Variants in ABCE1 observed in about 807,000 individuals in gnomAD.
ABCE1 encodes ATP-binding cassette sub-family E member 1.
In ABCE1, 22 loss-of-function variants were observed where a neutral mutation model predicts 83.4. That is an observed-to-expected ratio of 0.26 (90% confidence interval 0.19 to 0.38). ABCE1 has a LOEUF of 0.38. ABCE1 is among the 10% of genes least tolerant of loss of function. The probability of loss-of-function intolerance (pLI) is 1.00; values close to 1 mark genes in which losing one functional copy is unlikely to be tolerated. For missense variants in ABCE1, 330 were observed against 721.9 expected, an observed-to-expected ratio of 0.46 and a Z score of 6.22; for synonymous variants, 204 against 233.7, an observed-to-expected ratio of 0.87 and a Z score of 1.16.
intron 9 of ABCE1, among the ~76,000 whole-genome samples, chr4:145,116,561 AT>A (rs1168449866): frequency 1.3e-5 from 2 of 151,940 alleles, no homozygotes; most frequent in African/African-American, 2.4e-5. Flanking sequence ...TTTGCAGGAC[AT>A]TTTTTTAACA....
chr4:145,102,069 T>C (rs1018044668), intron 1 of ABCE1, among the ~76,000 whole-genome samples: 3 of 151,984 alleles, frequency 2.0e-5, no homozygotes, highest in African/African-American at 7.3e-5. Flanking sequence ...AAAACCAGAT[T>C]AGTGTTGTAT....
At chr4:145,113,348 C>A (rs1749530693) in intron 9 of ABCE1, among the ~76,000 whole-genome samples, 1 of 152,210 alleles carries the variant, frequency 6.6e-6, no homozygotes, top group South Asian at 2.1e-4. Context: ...TGTTTCAAAT[C>A]TCTATTCATG....
At chr4:145,108,901 G>A (rs1749385255) in intron 4 of ABCE1, among the ~76,000 whole-genome samples, 1 of 152,170 alleles carries the variant, frequency 6.6e-6, no homozygotes, top group South Asian at 2.1e-4. Context: ...GTTGTTTAAG[G>A]ATGCATTTCT....
intron 17 of ABCE1, among the ~76,000 whole-genome samples, chr4:145,125,575 G>A (rs1299978034): frequency 1.3e-5 from 2 of 152,144 alleles, no homozygotes; most frequent in Non-Finnish European, 2.9e-5. Context: ...GGCAGCAATT[G>A]TAATGTAGCT....
intron 1 of ABCE1, among the ~76,000 whole-genome samples, chr4:145,103,245 T>TA (rs1019020126): frequency 2.6e-5 from 4 of 151,900 alleles, no homozygotes; most frequent in Admixed American, 6.6e-5. Context: ...AGCAGTCTAT[T>TA]AAAAAAAATA....
intron 13 of ABCE1, chr4:145,122,030 G>A (rs1424137376): frequency 6.6e-6 from 1 of 152,062 alleles, no homozygotes; most frequent in East Asian, 1.9e-4. Flanking sequence ...TCCAATAAAG[G>A]ACTTGTATCC....
At chr4:145,110,718 T>C in intron 7 of ABCE1, 3 of 544,304 alleles carry the variant, frequency 5.5e-6, no homozygotes, top group East Asian at 3.1e-5. Context: ...TGCCTCAGCC[T>C]CCCAAAGTGC....
intron 11 of ABCE1, 133 bp downstream of exon 11, chr4:145,120,286 C>A: frequency 1.4e-6 from 1 of 721,618 alleles, no homozygotes; most frequent in Non-Finnish European, 2.2e-6. Context: ...CCACAAATTT[C>A]TTAGTGTACT....
chr4:145,113,434 G>A (rs1206818759), intron 9 of ABCE1, among the ~76,000 whole-genome samples: 5 of 152,158 alleles, frequency 3.3e-5, no homozygotes, highest in African/African-American at 1.2e-4. Context: ...AAGTGAGAAA[G>A]TAATATGTTT....
rs1372590500 is a variant in ABCE1 at position 145,128,861 on chromosome 4, T to TA, written c.*1289dup. 6.6e-6 allele frequency: 1 copy of TA among 152,202 alleles called. No individual in the cohort carries two copies. The highest frequency in any genetic ancestry group is 1.5e-5 in the Non-Finnish European group (1 of 68,020). 9.4% of individuals were successfully genotyped at this position (152,202 alleles called of 1,614,324 possible). On this transcript the variant is annotated 3_prime_UTR_variant, in exon 18 of 18. Transcript: ENST00000296577. ...AAAGTATGGTTTAACTGGACCCTAT[T>TA]ATGCCTTTTAAAAATAATTTCAGTA...
chr4:145,098,735 AAACCTGCTGGAGAGG>A (rs35158245), intron 1 of ABCE1, among the ~76,000 whole-genome samples: 3,022 of 152,320 alleles, frequency 0.02, 98 homozygotes, highest in African/African-American at 0.068. Flanking sequence ...CCCTGAAGCT[AAACCTGCTGGAGAGG>A]AAGGCACCTT....
rs1203032418 is a variant in ABCE1, at chr4:145,109,117, G to A, written c.288-15G>A. 1.9e-6 allele frequency: 3 copies of A among 1,542,348 alleles called. No homozygotes were observed. Among genetic ancestry groups the A allele is most frequent in the Non-Finnish European group, 2.7e-6 (3 of 1,120,934 alleles). On this transcript the variant is annotated splice_polypyrimidine_tract_variant and intron_variant, in intron 4 of 17. Coordinates refer to ENST00000296577, the MANE Select transcript of ABCE1 (RefSeq NM_002940.3). ...AAATCTGAGTTGTTTTATTATTTTT[G>A]TATACTTGTAACAGGTTGCCTATCC...
At chr4:145,111,806 T>G (rs910202688) in intron 8 of ABCE1, among the ~76,000 whole-genome samples, 5 of 152,226 alleles carry the variant, frequency 3.3e-5, no homozygotes, top group Admixed American at 1.3e-4. Context: ...AGACATTTAT[T>G]GCTGCTTTTT....
chr4:145,107,929 C>A, intron 3 of ABCE1, 86 bp from the exon 4 acceptor site: 2 of 991,554 alleles, frequency 2.0e-6, no homozygotes, highest in South Asian at 1.7e-5. Context: ...TAGAAGATTG[C>A]TTATAAAAAT....
In ABCE1 at chr4:145,123,206, T is replaced by A; in HGVS notation, c.1375-9T>A. 6.3e-7 allele frequency: 1 copy of A among 1,596,526 alleles called. No individual in the cohort carries two copies. The highest frequency in any genetic ancestry group is 1.1e-5 in the South Asian group (1 of 87,466). On this transcript the variant is annotated splice_polypyrimidine_tract_variant and intron_variant, in intron 14 of 17. Transcript: ENST00000296577. The stretch of plus-strand genomic sequence containing the variant: ...GCCTTTACATGGTTTGCTAAACTCC[T>A]CCAATTAGGTGCAGACATTATCTGG...
chr4:145,116,293 G>GACCC (rs1749605582), intron 9 of ABCE1, among the ~76,000 whole-genome samples: 1 of 151,810 alleles, frequency 6.6e-6, no homozygotes, highest in South Asian at 2.1e-4. Context: ...TTGGAATTGA[G>GACCC]ACCCACATCA....
chr4:145,104,600 A>G, intron 2 of ABCE1, 85 bp downstream of exon 2: 1 of 873,414 alleles, frequency 1.1e-6, no homozygotes, highest in South Asian at 2.9e-5. Flanking sequence ...GGACATTAAC[A>G]TAAACTTTGT....
At chr4:145,103,599 C>T (rs1000925792) in intron 1 of ABCE1, among the ~76,000 whole-genome samples, 6 of 152,300 alleles carry the variant, frequency 3.9e-5, no homozygotes, top group Admixed American at 2.6e-4. Context: ...TTTGCCATTT[C>T]TGTCAGTGTC....
chr4:145,108,366 G>A (rs1579211852), intron 4 of ABCE1, among the ~76,000 whole-genome samples: 1 of 152,240 alleles, frequency 6.6e-6, no homozygotes, highest in East Asian at 1.9e-4. Flanking sequence ...CATAGGGTCT[G>A]GACCTTAGTA....
Sources: gnomAD v4.1 joint callset for allele counts (sites outside exome capture counted in the v4.1 genomes callset) on GRCh38, gnomAD v4.1.1 for gene constraint, MANE v1.5 for transcripts, NCBI Gene and HGNC (gene_info 2026-07-23, HGNC 2026-07-21) for gene names.